Variants in AFF2 observed in about 807,000 individuals in gnomAD.
AFF2 encodes ALF transcription elongation factor 2.
A neutral mutation model predicts 76.9 loss-of-function variants in AFF2; 14 were observed. That is an observed-to-expected ratio of 0.18 (90% CI 0.12 to 0.28). The LOEUF (loss-of-function observed/expected upper bound fraction) is 0.28. Among genes scored for constraint, AFF2 ranks in the 10% least tolerant of loss-of-function variants. The pLI is 1.00. For synonymous variants in AFF2, 398 were observed against 366.7 expected (o/e 1.09, Z -0.98); for missense variants, 868 against 1,001.1 (o/e 0.87, Z 1.79).
chrX:148,908,382 T>C (rs782060059), intron 9 of AFF2, among the ~76,000 whole-genome samples: 36 of 112,355 alleles, frequency 3.2e-4, no homozygotes, highest in African/African-American at 1.1e-3. Context: ...ATTATAAAAG[T>C]ATTAATTTGG....
At chrX:148,797,812 C>T (rs1007897078) in intron 3 of AFF2, among the ~76,000 whole-genome samples, 4 of 112,112 alleles carry the variant, frequency 3.6e-5, no homozygotes, top group African/African-American at 9.7e-5. Context: ...ATGTAAATCA[C>T]GTCATGCAAG....
intron 3 of AFF2, among the ~76,000 whole-genome samples, chrX:148,750,373 C>A (rs1383798664): frequency 9.0e-6 from 1 of 111,647 alleles, no homozygotes; most frequent in Non-Finnish European, 1.9e-5. Context: ...TTGACATTTT[C>A]CCATCCTTCT....
chrX:148,722,031 T>C (rs886227000), intron 3 of AFF2, among the ~76,000 whole-genome samples: 1 of 111,674 alleles, frequency 9.0e-6, no homozygotes, highest in Non-Finnish European at 1.9e-5. Context: ...AATAAGGTCA[T>C]ATACACAGGT....
At chrX:148,585,840 CAAAAAAA>C (rs1194523651) in intron 1 of AFF2, among the ~76,000 whole-genome samples, 1 of 25,547 alleles carries the variant, frequency 3.9e-5, no homozygotes, top group African/African-American at 1.3e-4. Context: ...GACTGCGTCT[CAAAAAAA>C]AAAAAAAAAA....
intron 1 of AFF2, among the ~76,000 whole-genome samples, chrX:148,646,023 G>A (rs2054140295): frequency 8.9e-6 from 1 of 112,053 alleles, no homozygotes; most frequent in Admixed American, 9.5e-5. Context: ...CAGTGAAAGA[G>A]GCCATGCACA....
intron 3 of AFF2, among the ~76,000 whole-genome samples, chrX:148,793,117 C>A (rs148203853): frequency 2.7e-5 from 3 of 111,505 alleles, no homozygotes; most frequent in Non-Finnish European, 5.6e-5. Flanking sequence ...ATGGCTATGA[C>A]CTCCTACACA....
At chrX:148,778,685 C>T (rs1468903701) in intron 3 of AFF2, among the ~76,000 whole-genome samples, 7 of 111,360 alleles carry the variant, frequency 6.3e-5, no homozygotes, top group Non-Finnish European at 1.9e-5. Flanking sequence ...TCAGTGGGAT[C>T]AGTGGTGATC....
At chrX:148,948,763 A>G (rs2071930910) in intron 9 of AFF2, among the ~76,000 whole-genome samples, 1 of 109,517 alleles carries the variant, frequency 9.1e-6, no homozygotes, top group Admixed American at 9.7e-5. Context: ...GGGCCCTCCT[A>G]CACCTGGGGC....
intron 1 of AFF2, among the ~76,000 whole-genome samples, chrX:148,511,175 T>C (rs782286872): frequency 9.0e-6 from 1 of 111,599 alleles, no homozygotes; most frequent in Non-Finnish European, 1.9e-5. Context: ...TAGATTTTTG[T>C]GTACAGCATT....
At chrX:148,957,059 T>C (rs962963204) in intron 11 of AFF2, among the ~76,000 whole-genome samples, 1 of 112,304 alleles carries the variant, frequency 8.9e-6, no homozygotes, top group Non-Finnish European at 1.9e-5. Context: ...TAGGCTTGAC[T>C]TGGGAAAATT....
At chrX:148,515,455 C>T (rs1394490470) in intron 1 of AFF2, among the ~76,000 whole-genome samples, 4 of 112,161 alleles carry the variant, frequency 3.6e-5, no homozygotes, top group East Asian at 2.8e-4. Context: ...ACTGAATTTT[C>T]ATAAATAGGC....
chrX:148,538,413 C>T (rs1252736721), intron 1 of AFF2, among the ~76,000 whole-genome samples: 1 of 111,489 alleles, frequency 9.0e-6, no homozygotes, highest in Non-Finnish European at 1.9e-5. Flanking sequence ...GTCCCTGGAC[C>T]GCACTTGAAG....
intron 3 of AFF2, among the ~76,000 whole-genome samples, chrX:148,670,167 C>A (rs2054406522): frequency 9.0e-6 from 1 of 111,642 alleles, no homozygotes; most frequent in Non-Finnish European, 1.9e-5. Flanking sequence ...AATAGAATAC[C>A]TGGCTTTGCA....
chrX:148,866,221 G>T lies in AFF2; in HGVS notation c.1263-19668G>T, dbSNP rs1393074922. ...CATTTCTAAGCTGTCAACTTAGTAAGATTCTTTGCCTAGGATATACATTGG... is the reference window on the plus strand; with the variant it reads ...CATTTCTAAGCTGTCAACTTAGTAATATTCTTTGCCTAGGATATACATTGG... On this transcript the variant is annotated intron_variant, in intron 7 of 20. Transcript: ENST00000370460. Among the ~76,000 whole-genome samples, 4 of 112,183 alleles carry T rather than the reference G, an allele frequency of 3.6e-5. No homozygotes were observed. In the Admixed American group the frequency reaches 3.8e-4, roughly 11 times the overall value.
At chrX:148,949,914 C>T (rs1557286440) in intron 9 of AFF2, among the ~76,000 whole-genome samples, 1 of 112,520 alleles carries the variant, frequency 8.9e-6, no homozygotes, top group Admixed American at 9.4e-5. Context: ...AGTTTTTCAT[C>T]TCCTAGGCAG....
intron 3 of AFF2, among the ~76,000 whole-genome samples, chrX:148,733,415 C>T (rs1557264842): frequency 9.0e-6 from 1 of 110,707 alleles, no homozygotes; most frequent in East Asian, 2.8e-4. Context: ...TTCATTCATT[C>T]ATCCTTTCAT....
At chrX:148,684,540 G>A (rs1557260177) in intron 3 of AFF2, among the ~76,000 whole-genome samples, 1 of 112,347 alleles carries the variant, frequency 8.9e-6, no homozygotes, top group Non-Finnish European at 1.9e-5. Context: ...TAATGAGGCA[G>A]TCCCAATTTC....
chrX:148,943,401 A>G (rs367874861), intron 9 of AFF2, among the ~76,000 whole-genome samples: 308 of 111,855 alleles, frequency 2.8e-3, no homozygotes, highest in Non-Finnish European at 4.4e-3. Context: ...GCTGAAGAAA[A>G]CTTTTTGGAT....
intron 3 of AFF2, among the ~76,000 whole-genome samples, chrX:148,717,115 GTTCATAATAGCATTA>G (rs1314387859): frequency 1.8e-5 from 2 of 111,814 alleles, no homozygotes; most frequent in Non-Finnish European, 1.9e-5. Flanking sequence ...GCACGCAGAT[GTTCATAATAGCATTA>G]TTCATAATAG....
Sources: allele counts gnomAD v4.1 joint callset (sites outside exome capture counted in the v4.1 genomes callset), GRCh38; gene constraint gnomAD v4.1.1; transcripts MANE v1.5; gene names NCBI Gene and HGNC (gene_info 2026-07-23, HGNC 2026-07-21).